The following VPS33A variants were observed in gnomAD, a reference collection of about 807,000 sequenced individuals.
The protein encoded by VPS33A is vacuolar protein sorting-associated protein 33A.
In VPS33A, 32 loss-of-function variants were observed where a neutral mutation model predicts 71.8. That is an observed-to-expected ratio of 0.45 (90% CI 0.34 to 0.60). The LOEUF (loss-of-function observed/expected upper bound fraction) is 0.60. Ranked by LOEUF, VPS33A falls within the 20% of genes least tolerant of loss-of-function variation. The pLI is 0.02. For missense variants in VPS33A, 625 were observed against 748.5 expected (o/e 0.84, Z 1.92); for synonymous variants, 311 against 292.7 (o/e 1.06, Z -0.64).
intron 7 of VPS33A, 87 bp downstream of exon 7, chr12:122,244,482 A>G: frequency 8.5e-7 from 1 of 1,179,480 alleles, no homozygotes; most frequent in Non-Finnish European, 1.2e-6. Flanking sequence ...TTTAATGGCT[A>G]CATATTTTTG....
chr12:122,238,978 C>G (rs935437187), intron 9 of VPS33A, among the ~76,000 whole-genome samples: 1 of 143,346 alleles, frequency 7.0e-6, no homozygotes, highest in Non-Finnish European at 1.5e-5. Flanking sequence ...ACACACACCC[C>G]ACACACACAT....
chr12:122,266,387 C>A lies in VPS33A; in HGVS notation c.22G>T (p.Gly8Cys). 1 of 1,613,120 alleles carries A rather than the reference C, an allele frequency of 6.2e-7. No homozygotes were observed. Among genetic ancestry groups the A allele is most frequent in the Non-Finnish European group, 8.5e-7 (1 of 1,179,572 alleles). The part of the protein sequence containing the change: MAAHLSY[G>C]RVNLNVLREA... ...CGCAACACGTTTAGGTTCACTCGGC[C>A]GTAGGACAGATGAGCCGCCATCTTG... is the stretch of plus-strand genomic sequence containing the variant. Residue 8 changes from glycine to cysteine, a missense_variant, in exon 1 of 13, where the codon GGC (glycine) becomes TGC (cysteine). By Grantham distance (159) the Gly-to-Cys change is radical. Coordinates refer to ENST00000267199, the MANE Select transcript of VPS33A (RefSeq NM_022916.6).
At chr12:122,250,944 A>C (rs1954834551) in intron 5 of VPS33A, 39 bp downstream of exon 5, 1 of 1,477,422 alleles carries the variant, frequency 6.8e-7, no homozygotes, top group Non-Finnish European at 9.4e-7. Context: ...TGGGGTGTGA[A>C]GGGCCCTCCT....
At position 122,238,323 on chromosome 12, in the gene VPS33A, C is replaced by T. The variant is rs79615192; in HGVS notation, c.1302+264G>A. 0.037 allele frequency among the ~76,000 whole-genome samples: 5,678 copies of T among 152,174 alleles called. 352 individuals carry two copies. The highest frequency in any genetic ancestry group is 0.13 in the African/African-American group (5,248 of 41,494). On this transcript the variant is annotated intron_variant, in intron 10 of 12. Transcript: ENST00000267199. ...GTAACCTCCGCCTCCTGCGTTCAAG[C>T]GATTCTCCTGCCTGATCCTCTCAAA... is the stretch of plus-strand genomic sequence containing the variant.
intron 6 of VPS33A, among the ~76,000 whole-genome samples, chr12:122,246,360 CGT>C (rs1566043714): frequency 6.6e-6 from 1 of 151,942 alleles, no homozygotes; most frequent in East Asian, 1.9e-4. Flanking sequence ...AGTGCAGTGG[CGT>C]GATCTCAGCT....
chr12:122,266,388 G>A lies in VPS33A; in HGVS notation c.21C>T (p.Tyr7=), dbSNP rs776504041. ...GCAACACGTTTAGGTTCACTCGGCC[G>A]TAGGACAGATGAGCCGCCATCTTGC... MAAHLS[Y]GRVNLNVLRE... The change falls in exon 1 of 13, where the codon TAC becomes TAT. Residue 7 remains tyrosine (Y), a synonymous_variant. Coordinates refer to ENST00000267199, the MANE Select transcript of VPS33A (RefSeq NM_022916.6). 1.2e-5 allele frequency: 20 copies of A among 1,612,932 alleles called. No individual in the cohort carries two copies. The Admixed American group carries it at 2.2e-4, about 17-fold the overall frequency.
Position 122,239,604 on chromosome 12 carries a change from A to G in VPS33A, c.1164+274T>C, listed in dbSNP as rs575228896. On this transcript the variant is annotated intron_variant, in intron 9 of 12. Transcript: ENST00000267199. ...AAAAAATTAGCCAGGTGTGGTGGTGAGCGCCTGTAGTCCCAGCTACTCGGG... is the reference window on the plus strand; with the variant it reads ...AAAAAATTAGCCAGGTGTGGTGGTGGGCGCCTGTAGTCCCAGCTACTCGGG... Among the ~76,000 whole-genome samples the G allele has an allele frequency of 1.0e-3, 154 of 152,032 alleles. 1 individual carries two copies. The Middle Eastern group carries it at 0.017, about 17-fold the overall frequency.
chr12:122,243,225 A>T lies in VPS33A; in HGVS notation c.970-717T>A, dbSNP rs377217548. On this transcript the variant is annotated intron_variant, in intron 7 of 12. Coordinates refer to ENST00000267199, the MANE Select transcript of VPS33A (RefSeq NM_022916.6). ...GAAAAGTTTCCTGTGTAACAGAAAA[A>T]AATCCATTTTTTCTGTTGACCCTCA... is the stretch of plus-strand genomic sequence containing the variant. Among the ~76,000 whole-genome samples the T allele has an allele frequency of 2.4e-4, 37 of 152,242 alleles. 1 individual carries two copies. In the South Asian group the frequency reaches 5.2e-3, roughly 21 times the overall value.
chr12:122,233,971 T>G (rs1250870498), intron 11 of VPS33A, among the ~76,000 whole-genome samples: 5 of 152,200 alleles, frequency 3.3e-5, no homozygotes, highest in African/African-American at 1.2e-4. Context: ...ATTTTGCTCC[T>G]GACAGAGGAG....
intron 10 of VPS33A, 64 bp from the exon 11 acceptor site, chr12:122,235,987 A>C: frequency 9.1e-6 from 14 of 1,546,698 alleles, no homozygotes; most frequent in Non-Finnish European, 1.2e-5. Context: ...ATTTTCAAAG[A>C]AGGGCACTTC....
chr12:122,264,869 T>C (rs536441406), intron 1 of VPS33A: 2 of 152,082 alleles, frequency 1.3e-5, no homozygotes, highest in East Asian at 1.9e-4. Context: ...AATTGAGCCA[T>C]ATGGAAATTG....
intron 5 of VPS33A, among the ~76,000 whole-genome samples, chr12:122,250,521 G>C (rs1954828545): frequency 6.6e-6 from 1 of 152,174 alleles, no homozygotes; most frequent in South Asian, 2.1e-4. Context: ...ACTCGTGCCT[G>C]AACGAAGCGT....
In VPS33A at chr12:122,250,136, A is replaced by C. The variant is rs756229090; in HGVS notation, c.601-91T>G. Reference sequence around the variant, plus strand: ...AAACCAGAAAGACAATCAAAAAAGTAAAAAAGGAGAAAAACTGGAAGAGTG... The same window carrying C: ...AAACCAGAAAGACAATCAAAAAAGTCAAAAAGGAGAAAAACTGGAAGAGTG... On this transcript the variant is annotated intron_variant, in intron 5 of 12. Transcript: ENST00000267199. 2 of 1,327,436 alleles carry C rather than the reference A, an allele frequency of 1.5e-6. 1 individual carries two copies. The highest frequency in any genetic ancestry group is 5.0e-5 in the East Asian group (2 of 39,948). 82.2% of individuals were successfully genotyped at this position (1,327,436 alleles called of 1,614,324 possible). A position where few individuals can be genotyped will look rare whatever the true frequency, so the allele number is the denominator to read the frequency against.
chr12:122,250,920 TTCC>T, intron 5 of VPS33A, 60 bp downstream of exon 5: 2 of 1,206,318 alleles, frequency 1.7e-6, no homozygotes, highest in Non-Finnish European at 2.4e-6. Flanking sequence ...GAGCTTCCCG[TTCC>T]TCCTCCCTTT....
intron 7 of VPS33A, 35 bp downstream of exon 7, chr12:122,244,534 T>C: frequency 1.3e-6 from 2 of 1,558,816 alleles, no homozygotes; most frequent in Non-Finnish European, 1.8e-6. Context: ...ACCTGAGGCC[T>C]AGAGTTGCAG....
intron 4 of VPS33A, chr12:122,252,951 A>G (rs1362493231): frequency 1.3e-5 from 2 of 152,116 alleles, no homozygotes; most frequent in Non-Finnish European, 2.9e-5. Context: ...CATTTTATCA[A>G]TTCCCTCCAC....
At chr12:122,239,506 T>A (rs3964512) in intron 9 of VPS33A, among the ~76,000 whole-genome samples, 3 of 151,870 alleles carry the variant, frequency 2.0e-5, no homozygotes, top group Non-Finnish European at 4.4e-5. Context: ...GAGGCCAAGG[T>A]GGGCGGATCA....
intron 3 of VPS33A, among the ~76,000 whole-genome samples, chr12:122,261,759 T>C (rs1954998643): frequency 1.3e-5 from 2 of 152,080 alleles, no homozygotes; most frequent in African/African-American, 2.4e-5. Context: ...TCCCAGCACT[T>C]TGGGAGGCCG....
Position 122,244,709 on chromosome 12 carries a change from C to T in VPS33A, c.829G>A (p.Gly277Ser). ...TTTGCTTCCGTGGGGAGGTCCTTACCACCATCGCCCTGTTTCTTAGGTGCA... is the reference window on the plus strand; with the variant it reads ...TTTGCTTCCGTGGGGAGGTCCTTACTACCATCGCCCTGTTTCTTAGGTGCA... ...KFAPKKQGDG[G>S]KDLPTEAKKL... Residue 277 changes from glycine (G) to serine (S), a missense_variant, in exon 7 of 13, where the codon GGT (glycine) becomes AGT (serine). Physicochemically the swap from Gly to Ser is moderately conservative, Grantham distance 56. Coordinates refer to ENST00000267199, the MANE Select transcript of VPS33A (RefSeq NM_022916.6). The T allele has an allele frequency of 2.5e-6, 4 of 1,614,070 alleles. No homozygotes were observed. Among genetic ancestry groups the T allele is most frequent in the Non-Finnish European group, 3.4e-6 (4 of 1,179,986 alleles).
Sources: allele counts gnomAD v4.1 joint callset (sites outside exome capture counted in the v4.1 genomes callset), GRCh38; gene constraint gnomAD v4.1.1; transcripts MANE v1.5; gene names NCBI Gene and HGNC (gene_info 2026-07-23, HGNC 2026-07-21).